Variants in ZNF267 observed in about 807,000 individuals in gnomAD.
The protein encoded by ZNF267 is zinc finger (C2H2).
A neutral mutation model predicts 71.6 loss-of-function variants in ZNF267; 61 were observed. The ratio of observed to expected loss-of-function variants is 0.85; its 90% CI spans 0.69 to 1.05. ZNF267 has a LOEUF of 1.05. Ranked by LOEUF, ZNF267 falls within the 50% of genes least tolerant of loss-of-function variation. The pLI is 0.00. For missense variants in ZNF267, 852 were observed against 870.0 expected (o/e 0.98, Z 0.26); for synonymous variants, 288 against 293.2 (o/e 0.98, Z 0.18).
At chr16:31,894,444 A>G in intron 3 of ZNF267, 1 of 436,978 alleles carries the variant, frequency 2.3e-6, no homozygotes, top group Non-Finnish European at 4.4e-6. Flanking sequence ...TAAGCACTCC[A>G]CCTGTTAGTG....
At chr16:31,890,575 T>G (rs990340579) in intron 3 of ZNF267, among the ~76,000 whole-genome samples, 2 of 152,388 alleles carry the variant, frequency 1.3e-5, no homozygotes, top group East Asian at 3.9e-4. Context: ...CTAGTCTGTT[T>G]TGTTTTCTAT....
chr16:31,896,813 T>G (rs1389619155), intron 3 of ZNF267, among the ~76,000 whole-genome samples: 1 of 152,174 alleles, frequency 6.6e-6, no homozygotes, highest in African/African-American at 2.4e-5. Flanking sequence ...CTGTGAAGAA[T>G]GCTGGTGACT....
chr16:31,875,303 G>A (rs2083844454), intron 1 of ZNF267: 2 of 1,288,968 alleles, frequency 1.6e-6, no homozygotes, highest in African/African-American at 3.0e-5. Context: ...ACCGCCCAAG[G>A]TATGGAAATG....
intron 3 of ZNF267, among the ~76,000 whole-genome samples, chr16:31,905,245 A>G (rs1319660220): frequency 1.3e-5 from 2 of 152,078 alleles, no homozygotes; most frequent in Admixed American, 1.3e-4. Context: ...AACTTTGGTG[A>G]ATCTGACAAT....
intron 3 of ZNF267, among the ~76,000 whole-genome samples, chr16:31,910,825 A>G (rs886496187): frequency 1.3e-5 from 2 of 151,286 alleles, no homozygotes; most frequent in African/African-American, 4.9e-5. Flanking sequence ...TTTTTGATGT[A>G]AGCACATATA....
chr16:31,901,507 G>A (rs1404902192), intron 3 of ZNF267, among the ~76,000 whole-genome samples: 1 of 151,892 alleles, frequency 6.6e-6, no homozygotes, highest in East Asian at 1.9e-4. Flanking sequence ...GTGTGAGATG[G>A]TATCTCATTG....
intron 3 of ZNF267, among the ~76,000 whole-genome samples, chr16:31,889,920 C>T (rs1349050218): frequency 6.6e-6 from 1 of 152,196 alleles, no homozygotes; most frequent in East Asian, 1.9e-4. Flanking sequence ...CTGTATCACA[C>T]ACATTTGTGA....
intron 3 of ZNF267, chr16:31,894,455 T>G: frequency 2.4e-6 from 1 of 424,480 alleles, no homozygotes; most frequent in Non-Finnish European, 4.5e-6. Flanking sequence ...CCTGTTAGTG[T>G]TTTTTTTTTC....
intron 3 of ZNF267, among the ~76,000 whole-genome samples, chr16:31,887,242 T>TCAGATTTA (rs1202404613): frequency 3.3e-5 from 5 of 151,898 alleles, no homozygotes; most frequent in Non-Finnish European, 7.4e-5. Context: ...CAAATTTTTG[T>TCAGATTTA]CAGATTTACT....
At position 31,915,427 on chromosome 16, in the gene ZNF267, C is replaced by T. The variant is rs778298662; in HGVS notation, c.1178C>T (p.Ser393Phe). The T allele has an allele frequency of 5.0e-6, 8 of 1,613,770 alleles. No homozygotes were observed. Among genetic ancestry groups the T allele is most frequent in the Non-Finnish European group, 6.8e-6 (8 of 1,179,894 alleles). The change falls in exon 4 of 4, where the codon TCC becomes TTC. Residue 393 changes from serine to phenylalanine, a missense_variant. Transcript: ENST00000300870. The stretch of plus-strand genomic sequence containing the variant: ...TGTAGCAAATCTTTTACTCGTTCCT[C>T]CAATCTTATTGTGCATCAGAGAATT... ...KACSKSFTRSSNLIVHQRIHT... is the reference protein window; with the variant it reads ...KACSKSFTRSFNLIVHQRIHT...
At chr16:31,911,900 A>T (rs1434995386) in intron 3 of ZNF267, 1 of 151,340 alleles carries the variant, frequency 6.6e-6, no homozygotes, top group Non-Finnish European at 1.5e-5. Context: ...TGACAACTTC[A>T]CACTGATTGC....
chr16:31,894,402 G>A, intron 3 of ZNF267: 2 of 397,060 alleles, frequency 5.0e-6, no homozygotes, highest in South Asian at 4.2e-5. Context: ...TTCCGTTCAT[G>A]TTTGATGTAT....
chr16:31,914,867 C>T lies in ZNF267; in HGVS notation c.618C>T (p.Tyr206=). The change falls in exon 4 of 4, where the codon TAC becomes TAT. Residue 206 remains tyrosine, a synonymous_variant. Coordinates refer to ENST00000300870, the MANE Select transcript of ZNF267 (RefSeq NM_003414.6). ...LFRQVSTLNS[Y]RNVFIGEKNY... ...GGCAGGTCTCTACTCTAAATAGTTACCGAAATGTTTTTATTGGAGAGAAAA... is the reference window on the plus strand; with the variant it reads ...GGCAGGTCTCTACTCTAAATAGTTATCGAAATGTTTTTATTGGAGAGAAAA... 6.2e-7 allele frequency: 1 copy of T among 1,611,618 alleles called. No individual in the cohort carries two copies. The highest frequency in any genetic ancestry group is 8.5e-7 in the Non-Finnish European group (1 of 1,179,390).
At chr16:31,910,524 A>G (rs938262990) in intron 3 of ZNF267, among the ~76,000 whole-genome samples, 1 of 151,654 alleles carries the variant, frequency 6.6e-6, no homozygotes. Context: ...AGATTTTCCA[A>G]TTAGTTGGCA....
At chr16:31,879,168 G>T (rs911083090) in intron 1 of ZNF267, among the ~76,000 whole-genome samples, 4 of 152,160 alleles carry the variant, frequency 2.6e-5, no homozygotes, top group African/African-American at 9.7e-5. Flanking sequence ...CAGGCACCTG[G>T]CTCCAAGTTG....
At chr16:31,887,736 C>T (rs2083933805) in intron 3 of ZNF267, among the ~76,000 whole-genome samples, 2 of 151,966 alleles carry the variant, frequency 1.3e-5, no homozygotes, top group Non-Finnish European at 2.9e-5. Context: ...TTCCATTGGT[C>T]TATGTGTCTG....
chr16:31,908,538 T>TGA (rs896302492), intron 3 of ZNF267, among the ~76,000 whole-genome samples: 2 of 152,226 alleles, frequency 1.3e-5, no homozygotes, highest in Admixed American at 6.5e-5. Context: ...TTTGAAATCT[T>TGA]AAAGTCCTTA....
chr16:31,893,997 G>A (rs1328634463), intron 3 of ZNF267, among the ~76,000 whole-genome samples: 1 of 152,212 alleles, frequency 6.6e-6, no homozygotes, highest in Non-Finnish European at 1.5e-5. Context: ...GGCCAAGTGG[G>A]TTATAGCTAA....
rs1038250065 is a variant in ZNF267 at position 31,896,292 on chromosome 16, A to G, written c.226+11036A>G. Among the ~76,000 whole-genome samples, 17 of 152,310 alleles carry G rather than the reference A, an allele frequency of 1.1e-4. 1 individual carries two copies. The highest frequency in any genetic ancestry group is 3.6e-4 in the African/African-American group (15 of 41,570). ...GTCCCAAAGCATTGGGATTACAGGCATGAGCGAGCCACTGCAACTGGCCAT... is the reference window on the plus strand; with the variant it reads ...GTCCCAAAGCATTGGGATTACAGGCGTGAGCGAGCCACTGCAACTGGCCAT... On this transcript the variant is annotated intron_variant, in intron 3 of 3. Coordinates refer to ENST00000300870, the MANE Select transcript of ZNF267 (RefSeq NM_003414.6).
Sources: gnomAD v4.1 joint callset for allele counts (sites outside exome capture counted in the v4.1 genomes callset) on GRCh38, gnomAD v4.1.1 for gene constraint, MANE v1.5 for transcripts, NCBI Gene and HGNC (gene_info 2026-07-23, HGNC 2026-07-21) for gene names.